The following CNTNAP2 variants were observed in gnomAD, a reference collection of about 807,000 sequenced individuals.
The protein encoded by CNTNAP2 is contactin associated protein 2.
In CNTNAP2, 98 loss-of-function variants were observed where a neutral mutation model predicts 155.2. The observed-to-expected ratio is 0.63, with a 90% CI of 0.54 to 0.75. The LOEUF is 0.75. Ranked by LOEUF, CNTNAP2 falls within the 30% of genes least tolerant of loss-of-function variation. CNTNAP2 has a pLI of 0.00. For synonymous variants in CNTNAP2, 651 were observed against 631.2 expected (o/e 1.03, Z -0.47); for missense variants, 1,727 against 1,688.1 (o/e 1.02, Z -0.40).
intron 2 of CNTNAP2, among the ~76,000 whole-genome samples, chr7:146,775,736 GA>G (rs1802379467): frequency 6.6e-6 from 1 of 151,812 alleles, no homozygotes; most frequent in Admixed American, 6.6e-5. Flanking sequence ...ATCAGATTTA[GA>G]AAGACCAAAA....
intron 10 of CNTNAP2, among the ~76,000 whole-genome samples, chr7:147,441,803 TGTA>T (rs1797639206): frequency 8.0e-6 from 1 of 124,380 alleles, no homozygotes; most frequent in African/African-American, 2.9e-5. Context: ...TCCAACCAAA[TGTA>T]GTCTCTTTCT....
At chr7:147,300,888 G>C (rs1794935062) in intron 9 of CNTNAP2, among the ~76,000 whole-genome samples, 2 of 152,040 alleles carry the variant, frequency 1.3e-5, no homozygotes, top group South Asian at 4.1e-4. Context: ...TCACTGGGCA[G>C]AGAAATAGAG....
At chr7:146,957,940 A>G (rs1284511371) in intron 3 of CNTNAP2, among the ~76,000 whole-genome samples, 1 of 152,208 alleles carries the variant, frequency 6.6e-6, no homozygotes, top group Non-Finnish European at 1.5e-5. Flanking sequence ...ATCATTCTAA[A>G]TCAATGAAAC....
intron 1 of CNTNAP2, among the ~76,000 whole-genome samples, chr7:146,608,198 G>A (rs938416017): frequency 3.3e-5 from 5 of 152,092 alleles, no homozygotes; most frequent in African/African-American, 1.2e-4. Context: ...CACTTGAGTG[G>A]CATATACAGT....
intron 4 of CNTNAP2, among the ~76,000 whole-genome samples, chr7:147,071,558 G>T (rs1799891814): frequency 6.6e-6 from 1 of 152,068 alleles, no homozygotes; most frequent in Non-Finnish European, 1.5e-5. Flanking sequence ...ATGCTCTCTG[G>T]CACCTAATTA....
intron 12 of CNTNAP2, among the ~76,000 whole-genome samples, chr7:147,600,172 G>A (rs1333403082): frequency 6.6e-6 from 1 of 152,286 alleles, no homozygotes; most frequent in East Asian, 1.9e-4. Context: ...CCACTGATCT[G>A]TCTCATAACT....
intron 18 of CNTNAP2, among the ~76,000 whole-genome samples, chr7:148,213,435 G>T (rs914256032): frequency 1.3e-5 from 2 of 152,108 alleles, no homozygotes; most frequent in African/African-American, 4.8e-5. Flanking sequence ...GGTCTCTGCT[G>T]CCCAGACCCT....
intron 5 of CNTNAP2, among the ~76,000 whole-genome samples, chr7:147,109,818 G>C (rs942086268): frequency 1.3e-5 from 2 of 152,124 alleles, no homozygotes; most frequent in Non-Finnish European, 2.9e-5. Flanking sequence ...TAGAAAGAAA[G>C]AACATAGAGA....
chr7:147,417,121 C>T, intron 10 of CNTNAP2, among the ~76,000 whole-genome samples: 1 of 151,740 alleles, frequency 6.6e-6, no homozygotes, highest in Middle Eastern at 3.2e-3. Context: ...CAATTTTATG[C>T]TGCATATTCA....
At chr7:148,302,921 C>A (rs1008884320) in intron 21 of CNTNAP2, among the ~76,000 whole-genome samples, 8 of 144,546 alleles carry the variant, frequency 5.5e-5, no homozygotes, top group African/African-American at 2.0e-4. Flanking sequence ...CAGGTTCAAG[C>A]AATTCTCCTG....
chr7:146,900,259 C>T (rs1795967290), intron 3 of CNTNAP2, among the ~76,000 whole-genome samples: 1 of 152,128 alleles, frequency 6.6e-6, no homozygotes, highest in Admixed American at 6.5e-5. Context: ...TCAGTTCTGT[C>T]ATCACAACAT....
chr7:146,764,749 C>T (rs536073208), intron 1 of CNTNAP2, among the ~76,000 whole-genome samples: 6 of 152,060 alleles, frequency 3.9e-5, no homozygotes, highest in Admixed American at 1.3e-4. Context: ...CAAACATGAC[C>T]GATTTTCTAG....
intron 22 of CNTNAP2, among the ~76,000 whole-genome samples, chr7:148,385,433 A>G (rs1799170095): frequency 1.3e-5 from 2 of 152,240 alleles, no homozygotes; most frequent in African/African-American, 4.8e-5. Flanking sequence ...ACAGAGGAAC[A>G]GAGATCTCTC....
At position 147,237,049 on chromosome 7, in the gene CNTNAP2, C is replaced by CTTTTTTTTTT. The variant is rs548220734; in HGVS notation, c.1349-63065_1349-63056dup. On this transcript the variant is annotated intron_variant, in intron 8 of 23. Coordinates refer to ENST00000361727, the MANE Select transcript of CNTNAP2 (RefSeq NM_014141.6). ...CCACTTCCTTTAGCCTTCACCTCCTCTTTTTTTTTTTTTTTTTTTTTTTTT... is the reference window on the plus strand; with the variant it reads ...CCACTTCCTTTAGCCTTCACCTCCTCTTTTTTTTTTTTTTTTTTTTTTTTTTTTTTTTTTT... Among the ~76,000 whole-genome samples, 23 of 57,478 alleles carry CTTTTTTTTTT rather than the reference C, an allele frequency of 4.0e-4. 3 individuals are homozygous for CTTTTTTTTTT. The highest frequency in any genetic ancestry group is 9.4e-4 in the African/African-American group (14 of 14,820). 37.7% of individuals were successfully genotyped at this position (57,478 alleles called of 152,430 possible).
intron 2 of CNTNAP2, among the ~76,000 whole-genome samples, chr7:146,786,134 A>G (rs770601576): frequency 2.5e-4 from 38 of 152,212 alleles, no homozygotes; most frequent in Non-Finnish European, 3.5e-4. Context: ...TAAAAACTAT[A>G]GTTCAAACCT....
chr7:146,726,634 C>G (rs1437473955), intron 1 of CNTNAP2, among the ~76,000 whole-genome samples: 1 of 152,104 alleles, frequency 6.6e-6, no homozygotes, highest in East Asian at 1.9e-4. Context: ...AAATTTTACT[C>G]AGCCATGCAA....
chr7:146,629,484 G>A lies in CNTNAP2; in HGVS notation c.98-144787G>A, dbSNP rs1799475531. On this transcript the variant is annotated intron_variant, in intron 1 of 23. Coordinates refer to ENST00000361727, the MANE Select transcript of CNTNAP2 (RefSeq NM_014141.6). ...CAGAGCAGTTGAATAGTTTCTCTAG[G>A]TGTCAAATTTCAACAATATTTGTTA... Among the ~76,000 whole-genome samples, 2 of 151,858 alleles carry A rather than the reference G, an allele frequency of 1.3e-5. 1 individual carries two copies. The highest frequency in any genetic ancestry group is 1.3e-4 in the Admixed American group (2 of 15,220).
At chr7:147,707,332 G>C (rs1796331159) in intron 13 of CNTNAP2, among the ~76,000 whole-genome samples, 2 of 152,192 alleles carry the variant, frequency 1.3e-5, no homozygotes, top group Admixed American at 6.5e-5. Context: ...CTTTGGCTTT[G>C]ATTCTGGATG....
chr7:146,959,164 C>CT (rs1797501736), intron 3 of CNTNAP2, among the ~76,000 whole-genome samples: 1 of 151,964 alleles, frequency 6.6e-6, no homozygotes, highest in Non-Finnish European at 1.5e-5. Flanking sequence ...GGACTACAGG[C>CT]ACCCACCACC....
Sources: gnomAD v4.1 joint callset for allele counts (sites outside exome capture counted in the v4.1 genomes callset) on GRCh38, gnomAD v4.1.1 for gene constraint, MANE v1.5 for transcripts, NCBI Gene and HGNC (gene_info 2026-07-23, HGNC 2026-07-21) for gene names.